The following SASS6 variants were observed in gnomAD, a reference collection of about 807,000 sequenced individuals.
SASS6 encodes the protein SAS-6 centriolar assembly protein.
Under a neutral mutation model 94.9 loss-of-function variants are expected in SASS6, and 59 were observed. The observed-to-expected ratio is 0.62, with a 90% CI of 0.50 to 0.77. The LOEUF is 0.77. SASS6 is among the 30% of genes least tolerant of loss of function. The pLI, the probability that SASS6 is intolerant of heterozygous loss-of-function variation, is 0.00. For synonymous variants in SASS6, 264 were observed against 270.0 expected, an observed-to-expected ratio of 0.98 and a Z score of 0.22; for missense variants, 698 against 734.1, an observed-to-expected ratio of 0.95 and a Z score of 0.57.
intron 7 of SASS6, among the ~76,000 whole-genome samples, chr1:100,111,923 A>G (rs1013149111): frequency 2.6e-5 from 4 of 152,190 alleles, no homozygotes; most frequent in African/African-American, 7.2e-5. Flanking sequence ...GGCCAAAAGC[A>G]GTGAAAATAA....
At position 100,105,848 on chromosome 1, in the gene SASS6, A is replaced by G; in HGVS notation, c.1464T>C (p.Asp488=). 1 of 1,611,062 alleles carries G rather than the reference A, an allele frequency of 6.2e-7. No individual in the cohort carries two copies. Among genetic ancestry groups the G allele is most frequent in the East Asian group, 2.2e-5 (1 of 44,760 alleles). The change falls in exon 13 of 17, where the codon GAT becomes GAC. Residue 488 remains aspartate (D), a synonymous_variant. Coordinates refer to ENST00000287482, the MANE Select transcript of SASS6 (RefSeq NM_194292.3). ...LNENQLVRKQ[D]VLGPSTTPPA... ...GCGGAGTAGTAGAAGGTCCCAATAC[A>G]TCTTGCTTTCTCACTAGCTGATTTT...
At chr1:100,099,728 A>G (rs957776777) in intron 14 of SASS6, among the ~76,000 whole-genome samples, 1 of 152,164 alleles carries the variant, frequency 6.6e-6, no homozygotes, top group Non-Finnish European at 1.5e-5. Flanking sequence ...AGCTCACTCA[A>G]AATAATGCTG....
At chr1:100,115,433 T>C (rs1043524418) in intron 7 of SASS6, among the ~76,000 whole-genome samples, 1 of 151,912 alleles carries the variant, frequency 6.6e-6, no homozygotes, top group Admixed American at 6.5e-5. Context: ...AATAAGACCT[T>C]AATAAATGAA....
At chr1:100,115,775 G>A (rs773851365) in intron 7 of SASS6, among the ~76,000 whole-genome samples, 8 of 152,168 alleles carry the variant, frequency 5.3e-5, no homozygotes, top group South Asian at 2.1e-4. Flanking sequence ...AGCCATGATC[G>A]TGTCACTGCA....
chr1:100,095,524 C>CT (rs1283428628), intron 14 of SASS6, among the ~76,000 whole-genome samples: 2 of 152,128 alleles, frequency 1.3e-5, no homozygotes, highest in Non-Finnish European at 1.5e-5. Flanking sequence ...CACTAAGACT[C>CT]TGTCTCAAAA....
chr1:100,122,279 A>G (rs111811396), intron 4 of SASS6, 101 bp downstream of exon 4: 1 of 554,508 alleles, frequency 1.8e-6, no homozygotes, highest in African/African-American at 2.0e-5. Flanking sequence ...ATAAACAGGG[A>G]TAGTCATAAT....
intron 1 of SASS6, among the ~76,000 whole-genome samples, chr1:100,127,226 G>A (rs1437279570): frequency 6.6e-6 from 1 of 152,212 alleles, no homozygotes; most frequent in Non-Finnish European, 1.5e-5. Context: ...TTTCTTTGAT[G>A]TGCAGGTAGA....
At position 100,106,901 on chromosome 1, in the gene SASS6, A is replaced by G. The variant is rs1477884969; in HGVS notation, c.1408+11T>C. 1 of 1,089,828 alleles carries G rather than the reference A, an allele frequency of 9.2e-7. No homozygotes were observed. Among genetic ancestry groups the G allele is most frequent in the Non-Finnish European group, 1.4e-6 (1 of 713,044 alleles). 67.5% of individuals were successfully genotyped at this position (1,089,828 alleles called of 1,614,324 possible). On this transcript the variant is annotated intron_variant, in intron 12 of 16. Transcript: ENST00000287482. ...ACAAACCTCATTTACATTAACACGT[A>G]ACATACTTACACTTTTCATTATTTT...
Position 100,107,499 on chromosome 1 carries a change from A to G in SASS6, c.1201T>C (p.Leu401=), listed in dbSNP as rs1202701946. 12 of 1,608,352 alleles carry G rather than the reference A, an allele frequency of 7.5e-6. No homozygotes were observed. The highest frequency in any genetic ancestry group is 1.0e-5 in the Non-Finnish European group (12 of 1,175,990). Residue 401 remains leucine, a synonymous_variant, in exon 11 of 17, where the codon TTG becomes CTG. Coordinates refer to ENST00000287482, the MANE Select transcript of SASS6 (RefSeq NM_194292.3). The part of the protein sequence containing the change: ...QGDLKTLMGK[L]KLKNTVTIQQ... The stretch of plus-strand genomic sequence containing the variant: ...ATAGTAACTGTATTCTTCAATTTCA[A>G]CTTACCCATTAAAGTTTTCAGATCC...
At chr1:100,096,458 T>G (rs191356614) in intron 14 of SASS6, among the ~76,000 whole-genome samples, 1 of 152,166 alleles carries the variant, frequency 6.6e-6, no homozygotes, top group East Asian at 1.9e-4. Context: ...AAGGAGAAAA[T>G]GTTTTCAACC....
In SASS6 at chr1:100,123,306, T is replaced by G. The variant is rs543334433; in HGVS notation, c.127-17A>C. On this transcript the variant is annotated splice_polypyrimidine_tract_variant and intron_variant, in intron 2 of 16. Coordinates refer to ENST00000287482, the MANE Select transcript of SASS6 (RefSeq NM_194292.3). ...AACTAAGTCCTAAAAGAAAGTTTGT[T>G]GTTTTTAAATGTTTTTACTAGATCT... The G allele has an allele frequency of 2.4e-6, 3 of 1,231,576 alleles. No homozygotes were observed. In the African/African-American group the frequency reaches 4.6e-5, roughly 19 times the overall value. The allele number at this position is 1,231,576 out of a possible 1,614,324, so 76.3% of individuals were successfully genotyped here.
chr1:100,110,477 C>T lies in SASS6; in HGVS notation c.676G>A (p.Val226Ile). Residue 226 changes from valine (V) to isoleucine (I), a missense_variant, in exon 8 of 17, where the codon GTT becomes ATT. Transcript: ENST00000287482. ...NEKEKALQAQ[V>I]QYQQQHEQQK... ...TGTTCATGCTGCTGTTGATATTGAA[C>T]CTGTGCCTATGATACAATAAAAATA... 6.3e-7 allele frequency: 1 copy of T among 1,585,374 alleles called. No homozygotes were observed. The highest frequency in any genetic ancestry group is 2.3e-5 in the East Asian group (1 of 43,946).
At chr1:100,092,561 AGTTTTTTTGT>A (rs1488033666) in intron 14 of SASS6, among the ~76,000 whole-genome samples, 1 of 151,940 alleles carries the variant, frequency 6.6e-6, no homozygotes, top group African/African-American at 2.4e-5. Flanking sequence ...TCCACTCCAG[AGTTTTTTTGT>A]GTTTTTTTGT....
chr1:100,093,232 C>A (rs1184919902), intron 14 of SASS6, among the ~76,000 whole-genome samples: 1 of 131,614 alleles, frequency 7.6e-6, no homozygotes, highest in African/African-American at 3.0e-5. Context: ...CAGGACAGAG[C>A]AGAGTGGTGC....
At chr1:100,110,261 T>G in intron 8 of SASS6, 31 bp downstream of exon 8, 2 of 1,358,756 alleles carry the variant, frequency 1.5e-6, no homozygotes, top group Non-Finnish European at 1.0e-6. Flanking sequence ...TTCTCTTAAA[T>G]TGGGGGAGGA....
intron 6 of SASS6, among the ~76,000 whole-genome samples, chr1:100,120,089 G>A (rs1210971122): frequency 1.3e-5 from 2 of 152,190 alleles, no homozygotes; most frequent in Non-Finnish European, 2.9e-5. Context: ...CCAGAGGAAT[G>A]AGGCGAACAA....
chr1:100,094,759 G>C lies in SASS6; in HGVS notation c.1675-6523C>G, dbSNP rs142774225. On this transcript the variant is annotated intron_variant, in intron 14 of 16. Transcript: ENST00000287482. ...CAGGCACCTGTAGTCCCAGCTACTC[G>C]GGAGGCTGCGGCAGAAGAATCGCTG... Among the ~76,000 whole-genome samples, 445 of 151,728 alleles carry C rather than the reference G, an allele frequency of 2.9e-3. 2 individuals carry two copies. Among genetic ancestry groups the C allele is most frequent in the African/African-American group, 9.8e-3 (404 of 41,342 alleles).
intron 1 of SASS6, among the ~76,000 whole-genome samples, chr1:100,129,966 G>A (rs541780066): frequency 6.6e-6 from 1 of 152,148 alleles, no homozygotes; most frequent in Non-Finnish European, 1.5e-5. Flanking sequence ...CTAAAATTTA[G>A]TGAACATTTA....
intron 4 of SASS6, 72 bp from the exon 5 acceptor site, chr1:100,121,621 C>A (rs1168763857): frequency 5.8e-6 from 5 of 867,708 alleles, no homozygotes; most frequent in African/African-American, 1.7e-5. Flanking sequence ...TCAGAAGCTT[C>A]TCTACTTAAG....
Sources: gnomAD v4.1 joint callset for allele counts (sites outside exome capture counted in the v4.1 genomes callset) on GRCh38, gnomAD v4.1.1 for gene constraint, MANE v1.5 for transcripts, NCBI Gene and HGNC (gene_info 2026-07-23, HGNC 2026-07-21) for gene names.